The following NPHP4 variants were observed in gnomAD, a reference collection of about 807,000 sequenced individuals.
NPHP4 encodes the protein nephrocystin 4.
In NPHP4, 151 loss-of-function variants were observed where a neutral mutation model predicts 155.8. The ratio of observed to expected loss-of-function variants is 0.97; its 90% CI spans 0.85 to 1.11. The LOEUF (loss-of-function observed/expected upper bound fraction) is 1.11. NPHP4 is among the 50% of genes least tolerant of loss of function. The probability of loss-of-function intolerance (pLI) is 0.00; values close to 1 mark genes in which losing one functional copy is unlikely to be tolerated. For synonymous variants in NPHP4, 845 were observed against 816.8 expected, an observed-to-expected ratio of 1.03 and a Z score of -0.59; for missense variants, 1,956 against 1,925.7, an observed-to-expected ratio of 1.02 and a Z score of -0.29.
chr1:5,867,567 G>C lies in NPHP4; in HGVS notation c.3472+173C>G, dbSNP rs1641375421. 8 of 685,796 alleles carry C rather than the reference G, an allele frequency of 1.2e-5. No homozygotes were observed. In the South Asian group the frequency reaches 1.5e-4, roughly 13 times the overall value. The allele number at this position is 685,796 out of a possible 1,614,324, so 42.5% of individuals were successfully genotyped here. On this transcript the variant is annotated intron_variant, in intron 24 of 29. Transcript: ENST00000378156. This position sits in a 1 kb window ranked among gnomAD's most constrained non-coding sequence, Gnocchi z 4.1. ...CACCTAGTCATCTCAGAGGTGGCAAGAGGGACACCGTTTCAAACCATAAAG... is the reference window on the plus strand; with the variant it reads ...CACCTAGTCATCTCAGAGGTGGCAACAGGGACACCGTTTCAAACCATAAAG...
chr1:5,957,080 C>T (rs1211137678), intron 6 of NPHP4, among the ~76,000 whole-genome samples: 3 of 152,186 alleles, frequency 2.0e-5, no homozygotes, highest in East Asian at 1.9e-4. Context: ...TGAACCCCAC[C>T]GTGGCAGAAG....
rs762627000 is a variant in NPHP4, at chr1:5,905,472, T to G, written c.1775A>C (p.Gln592Pro). Residue 592 changes from glutamine (Q) to proline (P), a missense_variant, in exon 15 of 30, where the codon CAG becomes CCG. Gln to Pro is a moderately conservative substitution (Grantham distance 76). Transcript: ENST00000378156. This position sits in a 1 kb window ranked among gnomAD's most constrained non-coding sequence, Gnocchi z 4.0. ...VGTQTRSSAG[Q>P]PSRASMVLLQ... ...GAGCACCATGGAGGCTCTCGAGGGCTGCCCTGCAGAGCTGAGACACAGAGA... is the reference window on the plus strand; with the variant it reads ...GAGCACCATGGAGGCTCTCGAGGGCGGCCCTGCAGAGCTGAGACACAGAGA... 1.2e-6 allele frequency: 2 copies of G among 1,603,482 alleles called. No individual in the cohort carries two copies. Among genetic ancestry groups the G allele is most frequent in the African/African-American group, 2.7e-5 (2 of 74,632 alleles).
chr1:5,961,700 C>T (rs747677961), intron 6 of NPHP4, 94 bp downstream of exon 6: 6 of 1,275,258 alleles, frequency 4.7e-6, no homozygotes, highest in Admixed American at 2.0e-5. Context: ...GCTCGGCCCA[C>T]GCTGCCCCCA....
At chr1:5,977,016 A>G (rs1340031855) in intron 3 of NPHP4, among the ~76,000 whole-genome samples, 1 of 152,056 alleles carries the variant, frequency 6.6e-6, no homozygotes, top group African/African-American at 2.4e-5. Context: ...GCCTCCTTCT[A>G]TATACCTAAG....
intron 16 of NPHP4, among the ~76,000 whole-genome samples, chr1:5,903,963 A>C (rs1383012065): frequency 2.0e-5 from 3 of 152,216 alleles, no homozygotes; most frequent in African/African-American, 7.2e-5. Context: ...AAAAACAAAA[A>C]AAAGCATCTA....
At position 5,887,350 on chromosome 1, in the gene NPHP4, G is replaced by A. The variant is rs746889951; in HGVS notation, c.2421C>T (p.Arg807=). 9.3e-6 allele frequency: 15 copies of A among 1,613,422 alleles called. No homozygotes were observed. The highest frequency in any genetic ancestry group is 5.0e-5 in the Admixed American group (3 of 59,998). ...VVSGDMLGFG[R]VKPIGVHSVV... is the part of the protein sequence containing the mutation. ...CCGAGTGGACGCCGATGGGCTTGAC[G>A]CGGCCAAACCCCAGCATGTCTCCAC... The change falls in exon 18 of 30, where the codon CGC becomes CGT. Residue 807 remains arginine, a synonymous_variant. Coordinates refer to ENST00000378156, the MANE Select transcript of NPHP4 (RefSeq NM_015102.5).
intron 23 of NPHP4, chr1:5,868,193 G>A (rs1641470082): frequency 4.2e-6 from 2 of 471,662 alleles, no homozygotes; most frequent in Non-Finnish European, 8.0e-6. Flanking sequence ...AGTGGAGAAG[G>A]TCTGCAGTCC....
At chr1:5,880,030 T>TGC (rs1288496030) in intron 19 of NPHP4, 84 bp downstream of exon 19, 2 of 1,425,570 alleles carry the variant, frequency 1.4e-6, no homozygotes. Context: ...CACACACGCA[T>TGC]GCACACACAC....
At chr1:5,919,687 C>G (rs181702831) in intron 11 of NPHP4, among the ~76,000 whole-genome samples, 3 of 152,212 alleles carry the variant, frequency 2.0e-5, no homozygotes, top group Admixed American at 1.3e-4. Flanking sequence ...CCACCCGGAA[C>G]CTACTTTCGT....
In NPHP4 at chr1:5,908,624, T is replaced by C. The variant is rs114850368; in HGVS notation, c.1503+528A>G. ...CAACGGCCCAGCGGGAAGGCGCCTC[T>C]CCTCCCACTCAGGAAGTTCCAGCGC... On this transcript the variant is annotated intron_variant, in intron 12 of 29. Transcript: ENST00000378156. Among the ~76,000 whole-genome samples the C allele has an allele frequency of 2.2e-3, 329 of 152,078 alleles. 1 individual carries two copies. The highest frequency in any genetic ancestry group is 7.5e-3 in the African/African-American group (311 of 41,482).
At chr1:5,960,686 C>G (rs1475584229) in intron 6 of NPHP4, among the ~76,000 whole-genome samples, 1 of 152,094 alleles carries the variant, frequency 6.6e-6, no homozygotes, top group Non-Finnish European at 1.5e-5. Flanking sequence ...CTCAAGAAAG[C>G]CACACAAAAG....
chr1:5,936,109 CT>C (rs1379860097), intron 9 of NPHP4, among the ~76,000 whole-genome samples: 1 of 152,138 alleles, frequency 6.6e-6, no homozygotes, highest in Non-Finnish European at 1.5e-5. Flanking sequence ...TTTCACAGTT[CT>C]TTTTGGTTCT....
chr1:5,868,548 TCATGCACCCACA>T (rs937666799), intron 23 of NPHP4, among the ~76,000 whole-genome samples: 1 of 105,538 alleles, frequency 9.5e-6, no homozygotes, highest in Admixed American at 8.7e-5. Context: ...ACGCATGCAC[TCATGCACCCACA>T]CATGCACCCA....
At position 5,863,055 on chromosome 1, in the gene NPHP4, G is replaced by A; in HGVS notation, c.*210C>T. On this transcript the variant is annotated 3_prime_UTR_variant, in exon 30 of 30. Coordinates refer to ENST00000378156, the MANE Select transcript of NPHP4 (RefSeq NM_015102.5). ...CGGAGTTCGCGCTCACGGAACCCAG[G>A]CCTGCTGGGTGTCAGCAGCAGCTAA... 1 of 601,284 alleles carries A rather than the reference G, an allele frequency of 1.7e-6. No homozygotes were observed. The highest frequency in any genetic ancestry group is 3.0e-6 in the Non-Finnish European group (1 of 335,048). 37.2% of individuals were successfully genotyped at this position (601,284 alleles called of 1,614,324 possible).
intron 10 of NPHP4, among the ~76,000 whole-genome samples, chr1:5,930,655 CTCTTA>C (rs1417140565): frequency 1.3e-5 from 2 of 152,194 alleles, no homozygotes; most frequent in Admixed American, 1.3e-4. Flanking sequence ...AATCTCAACT[CTCTTA>C]AAACTGAAGT....
At chr1:5,934,100 A>C (rs1646412759) in intron 9 of NPHP4, among the ~76,000 whole-genome samples, 1 of 152,114 alleles carries the variant, frequency 6.6e-6, no homozygotes, top group Non-Finnish European at 1.5e-5. Flanking sequence ...CTAAAGCTAA[A>C]CCCCGGTCTT....
At chr1:5,894,445 G>A (rs563347364) in intron 16 of NPHP4, among the ~76,000 whole-genome samples, 29 of 139,058 alleles carry the variant, frequency 2.1e-4, no homozygotes, top group Non-Finnish European at 3.4e-4. Flanking sequence ...GCAAGACCCA[G>A]TCTCAAAAAA....
In NPHP4 at chr1:5,944,539, C is replaced by T. The variant is rs143572246; in HGVS notation, c.1119+2565G>A. On this transcript the variant is annotated intron_variant, in intron 9 of 29. Transcript: ENST00000378156. The surrounding 1 kb of genome is among the most constrained non-coding windows in gnomAD (Gnocchi z 4.3). ...TTAACCCACTTCCAATGGTTCCGCA[C>T]AGGAAGCAATTTTTGTGTGGAAGGT... Among the ~76,000 whole-genome samples, 181 of 152,320 alleles carry T rather than the reference C, an allele frequency of 1.2e-3. No individual in the cohort carries two copies. Among genetic ancestry groups the T allele is most frequent in the African/African-American group, 4.0e-3 (165 of 41,576 alleles).
chr1:5,965,018 A>G (rs531546709), intron 5 of NPHP4, among the ~76,000 whole-genome samples: 1 of 143,268 alleles, frequency 7.0e-6, no homozygotes, highest in East Asian at 2.1e-4. Context: ...ACTGCAGCCT[A>G]AAACTCCTGG....
Sources: gnomAD v4.1 joint callset for allele counts (sites outside exome capture counted in the v4.1 genomes callset) on GRCh38, gnomAD v4.1.1 for gene constraint, Gnocchi (gnomAD v3.1) non-coding constraint, MANE v1.5 for transcripts, NCBI Gene and HGNC (gene_info 2026-07-23, HGNC 2026-07-21) for gene names.